CCDC146: variants seen among roughly 807,000 people sequenced by gnomAD.
CCDC146 encodes the protein coiled-coil domain-containing protein 146.
A neutral mutation model predicts 119.3 loss-of-function variants in CCDC146; 92 were observed. The ratio of observed to expected loss-of-function variants is 0.77; its 90% CI spans 0.65 to 0.92. The LOEUF is 0.92. Ranked by LOEUF, CCDC146 falls within the 40% of genes least tolerant of loss-of-function variation. The probability of loss-of-function intolerance (pLI) is 0.00; values close to 1 mark genes in which losing one functional copy is unlikely to be tolerated. For missense variants in CCDC146, 1,000 were observed against 1,103.0 expected (o/e 0.91, Z 1.32); for synonymous variants, 372 against 371.8 (o/e 1.00, Z -0.01).
intron 2 of CCDC146, among the ~76,000 whole-genome samples, chr7:77,205,411 AAAG>A (rs1390828751): frequency 6.6e-6 from 1 of 152,202 alleles, no homozygotes; most frequent in South Asian, 2.1e-4. Flanking sequence ...TTCAAACCTG[AAAG>A]AAGTTTATCT....
intron 3 of CCDC146, 80 bp downstream of exon 3, chr7:77,237,109 T>C (rs980371043): frequency 8.6e-6 from 10 of 1,158,170 alleles, no homozygotes; most frequent in East Asian, 2.4e-5. Context: ...TTCATTTGCA[T>C]TCCCCCATAA....
intron 2 of CCDC146, among the ~76,000 whole-genome samples, chr7:77,204,787 T>A (rs1238633086): frequency 1.3e-5 from 2 of 152,176 alleles, no homozygotes; most frequent in Admixed American, 6.5e-5. Flanking sequence ...GACATCTAAT[T>A]TACTGTCATT....
chr7:77,124,884 A>G (rs1280898691), intron 1 of CCDC146, among the ~76,000 whole-genome samples: 1 of 152,168 alleles, frequency 6.6e-6, no homozygotes, highest in Admixed American at 6.5e-5. Flanking sequence ...GTAAGAGAAA[A>G]TAATTGCATC....
At chr7:77,260,386 A>G in intron 8 of CCDC146, 150 bp downstream of exon 8, 1 of 588,366 alleles carries the variant, frequency 1.7e-6, no homozygotes, top group Non-Finnish European at 2.9e-6. Flanking sequence ...TATCAAATAA[A>G]GCACTTTGAA....
At chr7:77,132,959 G>A (rs1324122536) in intron 1 of CCDC146, among the ~76,000 whole-genome samples, 1 of 151,892 alleles carries the variant, frequency 6.6e-6, no homozygotes, top group Non-Finnish European at 1.5e-5. Flanking sequence ...ATCACCTGAG[G>A]TCAGGAGTTC....
At position 77,207,926 on chromosome 7, in the gene CCDC146, T is replaced by C. The variant is rs78860757; in HGVS notation, c.157-29021T>C. On this transcript the variant is annotated intron_variant, in intron 2 of 18. Transcript: ENST00000285871. ...ATGTACAGATCTACCTCTTTTTAGG[T>C]ATTCATTGATTCAACAAACACTTAC... 2.6e-3 allele frequency among the ~76,000 whole-genome samples: 390 copies of C among 152,358 alleles called. 13 individuals are homozygous for C. The East Asian group carries it at 0.06, about 23-fold the overall frequency.
At chr7:77,182,932 C>A (rs938885036) in intron 2 of CCDC146, among the ~76,000 whole-genome samples, 1 of 152,146 alleles carries the variant, frequency 6.6e-6, no homozygotes, top group African/African-American at 2.4e-5. Context: ...ACCAGAGAAA[C>A]CCCTGCTCTG....
chr7:77,145,848 A>C (rs1348083033), intron 1 of CCDC146, among the ~76,000 whole-genome samples: 1 of 152,136 alleles, frequency 6.6e-6, no homozygotes, highest in Admixed American at 6.5e-5. Context: ...CTAAGTGGTC[A>C]ATTTTGGAAT....
intron 2 of CCDC146, among the ~76,000 whole-genome samples, chr7:77,205,201 A>G (rs1018471923): frequency 6.6e-5 from 10 of 152,188 alleles, no homozygotes; most frequent in African/African-American, 2.2e-4. Context: ...GTTGTTTCCT[A>G]TAAAGTCATT....
At chr7:77,243,150 C>T (rs1309953424) in intron 4 of CCDC146, among the ~76,000 whole-genome samples, 2 of 152,072 alleles carry the variant, frequency 1.3e-5, no homozygotes, top group Non-Finnish European at 2.9e-5. Context: ...GTAAGAAGAA[C>T]ATAAGTCAGT....
intron 2 of CCDC146, among the ~76,000 whole-genome samples, chr7:77,204,310 A>G (rs1428967218): frequency 1.3e-5 from 2 of 152,212 alleles, no homozygotes; most frequent in Non-Finnish European, 2.9e-5. Context: ...TGTTCATTAT[A>G]AATTTCATGA....
chr7:77,276,400 A>G (rs1318146772), intron 11 of CCDC146, among the ~76,000 whole-genome samples: 1 of 152,020 alleles, frequency 6.6e-6, no homozygotes, highest in African/African-American at 2.4e-5. Flanking sequence ...TGCAAAAAAG[A>G]GAAGATCTAC....
intron 2 of CCDC146, chr7:77,195,779 C>A (rs903915900): frequency 2.6e-5 from 4 of 153,104 alleles, no homozygotes; most frequent in Non-Finnish European, 2.9e-5. Flanking sequence ...GCCTCAGCCT[C>A]CCAAGTAGCT....
At chr7:77,192,155 C>T (rs1040053293) in intron 2 of CCDC146, among the ~76,000 whole-genome samples, 7 of 152,052 alleles carry the variant, frequency 4.6e-5, no homozygotes, top group Admixed American at 3.9e-4. Context: ...TCACGTGATC[C>T]GCCCACCTCG....
chr7:77,146,796 T>C (rs202074813), intron 1 of CCDC146, among the ~76,000 whole-genome samples: 7 of 152,122 alleles, frequency 4.6e-5, no homozygotes, highest in African/African-American at 1.4e-4. Flanking sequence ...GTCTGATGGG[T>C]TTCCCTTTGT....
chr7:77,123,388 T>TA (rs1412673044), intron 1 of CCDC146, among the ~76,000 whole-genome samples: 1 of 149,934 alleles, frequency 6.7e-6, no homozygotes, highest in Non-Finnish European at 1.5e-5. Context: ...AAGATGGTTC[T>TA]AAATGACCCT....
Position 77,273,673 on chromosome 7 carries a change from T to A in CCDC146, c.1174-21T>A, listed in dbSNP as rs929948369. 1.9e-6 allele frequency: 3 copies of A among 1,566,478 alleles called. No individual in the cohort carries two copies. The Admixed American group carries it at 5.1e-5, about 27-fold the overall frequency. Reference sequence around the variant, plus strand: ...GATTTATTTCTTACATAAATGCATGTTTTTAAATTTTGATTTCCAGATGGA... The same window carrying A: ...GATTTATTTCTTACATAAATGCATGATTTTAAATTTTGATTTCCAGATGGA... On this transcript the variant is annotated intron_variant, in intron 9 of 18. Transcript: ENST00000285871.
intron 2 of CCDC146, among the ~76,000 whole-genome samples, chr7:77,193,050 C>G (rs1170812016): frequency 6.6e-6 from 1 of 151,666 alleles, no homozygotes; most frequent in African/African-American, 2.4e-5. Context: ...GAAAGTTGGA[C>G]TGGAATAGAC....
At chr7:77,245,714 C>A (rs768199191) in intron 4 of CCDC146, among the ~76,000 whole-genome samples, 4 of 151,856 alleles carry the variant, frequency 2.6e-5, no homozygotes, top group Non-Finnish European at 5.9e-5. Context: ...AAAGTTGGAA[C>A]CAAGAAACAA....
Sources: allele counts gnomAD v4.1 joint callset (sites outside exome capture counted in the v4.1 genomes callset), GRCh38; gene constraint gnomAD v4.1.1; transcripts MANE v1.5; gene names NCBI Gene and HGNC (gene_info 2026-07-23, HGNC 2026-07-21).